Variants in GABRB1 observed in about 807,000 individuals in gnomAD.
GABRB1 encodes gamma-aminobutyric acid type A receptor subunit beta1, also known as gamma-aminobutyric acid receptor subunit beta-1.
Under a neutral mutation model 51.6 loss-of-function variants are expected in GABRB1, and 17 were observed. The observed-to-expected ratio is 0.33, with a 90% CI of 0.23 to 0.49. The LOEUF (loss-of-function observed/expected upper bound fraction) is 0.49. Ranked by LOEUF, GABRB1 falls within the 20% of genes least tolerant of loss-of-function variation. The pLI is 0.99. For missense variants in GABRB1, 410 were observed against 600.6 expected (o/e 0.68, Z 3.32); for synonymous variants, 247 against 218.9 (o/e 1.13, Z -1.14).
At chr4:47,183,825 G>T (rs553446241) in intron 4 of GABRB1, among the ~76,000 whole-genome samples, 2 of 151,750 alleles carry the variant, frequency 1.3e-5, no homozygotes, top group South Asian at 4.1e-4. Flanking sequence ...CATTCAAATA[G>T]ATAATACCAT....
chr4:47,311,796 C>T (rs1191222197), intron 4 of GABRB1, among the ~76,000 whole-genome samples: 1 of 152,136 alleles, frequency 6.6e-6, no homozygotes, highest in African/African-American at 2.4e-5. Flanking sequence ...TTCTAACATA[C>T]TACTAGCCAA....
In GABRB1 at chr4:47,065,150, G is replaced by C. The variant is rs577528508; in HGVS notation, c.240+32666G>C. Among the ~76,000 whole-genome samples the C allele has an allele frequency of 2.6e-5, 4 of 152,306 alleles. No individual in the cohort carries two copies. In the South Asian group the frequency reaches 8.3e-4, roughly 32 times the overall value. On this transcript the variant is annotated intron_variant, in intron 3 of 8. Transcript: ENST00000295454. ...GTTCCCATGGTTTTACCTCACCATT[G>C]GGAAAAACTGGCGACATTTTAAATG...
intron 1 of GABRB1, among the ~76,000 whole-genome samples, chr4:47,019,576 T>TCTCTCTCC (rs1186431950): frequency 2.7e-5 from 4 of 147,348 alleles, no homozygotes; most frequent in African/African-American, 1.0e-4. Context: ...TCTCTCTCTC[T>TCTCTCTCC]CCCTCCTTCC....
At chr4:47,233,678 C>T (rs1191728868) in intron 4 of GABRB1, among the ~76,000 whole-genome samples, 1 of 152,110 alleles carries the variant, frequency 6.6e-6, no homozygotes, top group Non-Finnish European at 1.5e-5. Flanking sequence ...CAGTTCATAT[C>T]ACTAGACTGT....
chr4:47,072,384 G>T (rs546091735), intron 3 of GABRB1, among the ~76,000 whole-genome samples: 2 of 152,090 alleles, frequency 1.3e-5, no homozygotes, highest in East Asian at 1.9e-4. Context: ...TTTATAACTC[G>T]CAGCAGGTTA....
intron 5 of GABRB1, among the ~76,000 whole-genome samples, chr4:47,362,929 G>A (rs1726857489): frequency 1.3e-5 from 2 of 152,066 alleles, no homozygotes; most frequent in South Asian, 2.1e-4. Context: ...CTAGTACACT[G>A]TGAACATGCC....
In GABRB1 at chr4:47,156,344, T is replaced by G. The variant is rs144556389; in HGVS notation, c.241-4905T>G. Among the ~76,000 whole-genome samples, 62 of 152,184 alleles carry G rather than the reference T, an allele frequency of 4.1e-4. 1 individual carries two copies. The highest frequency in any genetic ancestry group is 1.5e-3 in the African/African-American group (62 of 41,550). On this transcript the variant is annotated intron_variant, in intron 3 of 8. Transcript: ENST00000295454. ...GATAAAAAGAGATATTTTCATGTAA[T>G]GCAGTGTTTCTCAACCTTACCACTA...
intron 5 of GABRB1, among the ~76,000 whole-genome samples, chr4:47,371,065 G>A (rs370005031): frequency 4.6e-5 from 7 of 151,316 alleles, no homozygotes; most frequent in African/African-American, 1.7e-4. Flanking sequence ...TCCGTTAGCT[G>A]TTCTTCCTAA....
intron 4 of GABRB1, among the ~76,000 whole-genome samples, chr4:47,293,168 T>C (rs1353905702): frequency 6.6e-6 from 1 of 152,024 alleles, no homozygotes; most frequent in African/African-American, 2.4e-5. Flanking sequence ...TGAGATGGAG[T>C]TTTGCTCTTG....
chr4:47,150,310 TCACACACACA>T (rs36066411), intron 3 of GABRB1, among the ~76,000 whole-genome samples: 135 of 138,530 alleles, frequency 9.7e-4, no homozygotes, highest in Admixed American at 1.7e-3. Context: ...TGAGAATCCA[TCACACACACA>T]CACACACACA....
chr4:47,278,085 T>A (rs952035076), intron 4 of GABRB1, among the ~76,000 whole-genome samples: 2 of 152,096 alleles, frequency 1.3e-5, no homozygotes, highest in African/African-American at 2.4e-5. Context: ...AGAGACAAAC[T>A]TTTTTATGGG....
chr4:47,336,748 G>A (rs1725714651), intron 5 of GABRB1, among the ~76,000 whole-genome samples: 1 of 152,210 alleles, frequency 6.6e-6, no homozygotes, highest in African/African-American at 2.4e-5. Flanking sequence ...GAGTGCTGGA[G>A]TGAAAGTCTA....
At chr4:47,302,214 T>C (rs948657785) in intron 4 of GABRB1, among the ~76,000 whole-genome samples, 2 of 152,114 alleles carry the variant, frequency 1.3e-5, no homozygotes, top group South Asian at 2.1e-4. Flanking sequence ...AGATAATATA[T>C]GTAAAGTGCT....
At chr4:47,135,085 A>C (rs1282133189) in intron 3 of GABRB1, among the ~76,000 whole-genome samples, 1 of 152,096 alleles carries the variant, frequency 6.6e-6, no homozygotes, top group East Asian at 1.9e-4. Flanking sequence ...ACACCACTGA[A>C]CTCCAGTGTG....
chr4:47,170,709 C>T (rs1222360510), intron 4 of GABRB1, among the ~76,000 whole-genome samples: 2 of 152,076 alleles, frequency 1.3e-5, no homozygotes, highest in African/African-American at 4.8e-5. Flanking sequence ...ACAAATGCAT[C>T]TTGTTAAGAG....
chr4:47,284,128 C>A (rs1723412574), intron 4 of GABRB1, among the ~76,000 whole-genome samples: 1 of 151,200 alleles, frequency 6.6e-6, no homozygotes, highest in African/African-American at 2.4e-5. Flanking sequence ...AAAGGAAGTC[C>A]CATTTTCCAT....
intron 4 of GABRB1, among the ~76,000 whole-genome samples, chr4:47,221,309 T>G (rs1720758908): frequency 6.6e-6 from 1 of 152,096 alleles, no homozygotes; most frequent in Admixed American, 6.6e-5. Flanking sequence ...GACTAGATTC[T>G]GAGCACTTTT....
intron 3 of GABRB1, among the ~76,000 whole-genome samples, chr4:47,050,967 G>A (rs924975243): frequency 1.3e-5 from 2 of 152,016 alleles, no homozygotes; most frequent in Non-Finnish European, 2.9e-5. Flanking sequence ...GCCCACCCTG[G>A]GTTCTGGCTC....
intron 4 of GABRB1, among the ~76,000 whole-genome samples, chr4:47,244,912 C>G (rs1315785850): frequency 6.6e-6 from 1 of 152,168 alleles, no homozygotes; most frequent in South Asian, 2.1e-4. Flanking sequence ...AAAATTGACA[C>G]CCTAACATTA....
Sources: gnomAD v4.1 joint callset for allele counts (sites outside exome capture counted in the v4.1 genomes callset) on GRCh38, gnomAD v4.1.1 for gene constraint, MANE v1.5 for transcripts, NCBI Gene and HGNC (gene_info 2026-07-23, HGNC 2026-07-21) for gene names.